The following MYO18B variants were observed in gnomAD, a reference collection of about 807,000 sequenced individuals.
MYO18B encodes the protein myosin XVIIIB, also known as unconventional myosin-XVIIIb.
Under a neutral mutation model 273.0 loss-of-function variants are expected in MYO18B, and 204 were observed. That is an observed-to-expected ratio of 0.75 (90% CI 0.67 to 0.84). The LOEUF is 0.84. MYO18B is among the 40% of genes least tolerant of loss of function. MYO18B has a pLI of 0.00. For synonymous variants in MYO18B, 1,330 were observed against 1,305.7 expected, an observed-to-expected ratio of 1.02 and a Z score of -0.40; for missense variants, 3,212 against 3,287.6, an observed-to-expected ratio of 0.98 and a Z score of 0.56.
intron 25 of MYO18B, among the ~76,000 whole-genome samples, chr22:25,882,081 G>A (rs1376403258): frequency 1.3e-5 from 2 of 152,140 alleles, no homozygotes; most frequent in African/African-American, 2.4e-5. Flanking sequence ...CTAAGGGTGG[G>A]TTAGGGCCCT....
intron 1 of MYO18B, among the ~76,000 whole-genome samples, chr22:25,759,887 G>C (rs1036776580): frequency 2.0e-5 from 3 of 152,148 alleles, no homozygotes; most frequent in Non-Finnish European, 4.4e-5. Flanking sequence ...AGTCAACATG[G>C]TGATGAAATT....
chr22:25,814,266 A>G (rs927444200), intron 12 of MYO18B, among the ~76,000 whole-genome samples: 1 of 135,654 alleles, frequency 7.4e-6, no homozygotes, highest in African/African-American at 2.8e-5. Flanking sequence ...ACATTTAATC[A>G]GTGCTTGCCA....
intron 39 of MYO18B, among the ~76,000 whole-genome samples, chr22:25,957,562 A>G (rs2092868068): frequency 6.6e-6 from 1 of 152,224 alleles, no homozygotes; most frequent in Admixed American, 6.5e-5. Flanking sequence ...TTGCCATAGC[A>G]AATTATCACA....
At chr22:25,808,429 A>G (rs2088583797) in intron 12 of MYO18B, among the ~76,000 whole-genome samples, 1 of 152,140 alleles carries the variant, frequency 6.6e-6, no homozygotes, top group African/African-American at 2.4e-5. Context: ...AATCTTTGTC[A>G]AAGTCAAACA....
chr22:25,868,343 C>T lies in MYO18B; in HGVS notation c.3909C>T (p.Thr1303=), dbSNP rs1374673171. 3 of 1,604,434 alleles carry T rather than the reference C, an allele frequency of 1.9e-6. No individual in the cohort carries two copies. The highest frequency in any genetic ancestry group is 2.6e-6 in the Non-Finnish European group (3 of 1,175,594). Residue 1303 remains threonine (T), a synonymous_variant, in exon 22 of 44, where the codon ACC becomes ACT. Coordinates refer to ENST00000335473, the MANE Select transcript of MYO18B (RefSeq NM_032608.7). ...AGGCCGTGGAGGAGCTCCTGGAGACCCTGGATCTGGAAAAGAAGGCGGTGG... is the reference window on the plus strand; with the variant it reads ...AGGCCGTGGAGGAGCTCCTGGAGACTCTGGATCTGGAAAAGAAGGCGGTGG... ...ERKAVEELLE[T]LDLEKKAVAV... is the part of the protein sequence containing the mutation.
chr22:25,742,444 A>G (rs1377057943), intron 1 of MYO18B, among the ~76,000 whole-genome samples, 151 bp downstream of exon 1: 1 of 152,008 alleles, frequency 6.6e-6, no homozygotes. Context: ...CCGAGGCCTG[A>G]TTCCTTTGCC....
intron 42 of MYO18B, among the ~76,000 whole-genome samples, chr22:26,016,572 A>G (rs1438959626): frequency 1.3e-5 from 2 of 152,214 alleles, no homozygotes; most frequent in Non-Finnish European, 2.9e-5. Flanking sequence ...TGGGTTCTGA[A>G]TTATTCAGCC....
chr22:25,843,073 C>T (rs553376751), intron 17 of MYO18B, among the ~76,000 whole-genome samples: 1 of 152,254 alleles, frequency 6.6e-6, no homozygotes, highest in South Asian at 2.1e-4. Context: ...CCACATTTTA[C>T]AGACGAGGAA....
intron 33 of MYO18B, among the ~76,000 whole-genome samples, chr22:25,912,412 AAAC>A (rs1250233493): frequency 6.6e-6 from 1 of 152,234 alleles, no homozygotes; most frequent in Non-Finnish European, 1.5e-5. Context: ...TAGTCTGAGA[AAAC>A]AGAATAGATA....
At chr22:26,021,635 C>A (rs1467235374) in intron 42 of MYO18B, among the ~76,000 whole-genome samples, 1 of 152,216 alleles carries the variant, frequency 6.6e-6, no homozygotes, top group African/African-American at 2.4e-5. Flanking sequence ...CAAGGCCAAT[C>A]TAGTTTCCCT....
intron 2 of MYO18B, 127 bp downstream of exon 2, chr22:25,761,258 A>T: frequency 9.4e-7 from 1 of 1,066,452 alleles, no homozygotes; most frequent in Non-Finnish European, 1.4e-6. Flanking sequence ...AGCATGTGCA[A>T]TCCCACCTTC....
intron 21 of MYO18B, among the ~76,000 whole-genome samples, chr22:25,853,889 A>C (rs1601358706): frequency 1.3e-5 from 2 of 152,152 alleles, no homozygotes; most frequent in South Asian, 4.1e-4. Context: ...TTTTGGTAGC[A>C]ACGAAAAGAA....
At chr22:26,051,216 CTTTTTTT>C in the MYO18B span, among the ~76,000 whole-genome samples, 9 of 92,608 alleles carry the variant, frequency 9.7e-5, no homozygotes, top group Admixed American at 1.4e-4. Flanking sequence ...TAATTGGTCC[CTTTTTTT>C]TTTTTTTTTT....
At chr22:25,900,244 T>A (rs2091905495) in intron 29 of MYO18B, 1 of 152,218 alleles carries the variant, frequency 6.6e-6, no homozygotes, top group Non-Finnish European at 1.5e-5. Flanking sequence ...TATGTTTTGA[T>A]GCCAATTGCA....
chr22:26,042,144 C>T, the MYO18B span, among the ~76,000 whole-genome samples: 1 of 152,226 alleles, frequency 6.6e-6, no homozygotes. Context: ...GAACTGCGCC[C>T]TGGGTTCACT....
chr22:25,799,737 C>G (rs558631517), intron 12 of MYO18B, among the ~76,000 whole-genome samples: 14 of 152,280 alleles, frequency 9.2e-5, no homozygotes, highest in Admixed American at 8.5e-4. Context: ...ATACATTAAC[C>G]CATTGTTTTG....
chr22:25,998,925 C>G (rs1413848236), intron 40 of MYO18B, among the ~76,000 whole-genome samples: 2 of 152,154 alleles, frequency 1.3e-5, no homozygotes, highest in East Asian at 3.8e-4. Context: ...GCCCATATAT[C>G]CAGCTAGTAG....
rs555911046 is a variant in MYO18B, at chr22:25,816,881, AT to A, written c.2522-6622del. 1.2e-4 allele frequency among the ~76,000 whole-genome samples: 19 copies of A among 152,314 alleles called. No individual in the cohort carries two copies. The South Asian group carries it at 3.9e-3, about 32-fold the overall frequency. Reference sequence around the variant, plus strand: ...AGCCTCCTTCCTCACAGGCCTCCGAATTGTAAACCTCTGTGTGAGGAAAAGT... The same window carrying A: ...AGCCTCCTTCCTCACAGGCCTCCGAATGTAAACCTCTGTGTGAGGAAAAGT... On this transcript the variant is annotated intron_variant, in intron 12 of 43. Transcript: ENST00000335473.
At chr22:25,856,237 A>C (rs560167296) in intron 21 of MYO18B, among the ~76,000 whole-genome samples, 3 of 152,080 alleles carry the variant, frequency 2.0e-5, no homozygotes, top group Non-Finnish European at 4.4e-5. Flanking sequence ...TGCCATGCTA[A>C]TGGGTGTGAG....
Sources: allele counts gnomAD v4.1 joint callset (sites outside exome capture counted in the v4.1 genomes callset), GRCh38; gene constraint gnomAD v4.1.1; transcripts MANE v1.5; gene names NCBI Gene and HGNC (gene_info 2026-07-23, HGNC 2026-07-21).